RMDN2: variants seen among roughly 807,000 people sequenced by gnomAD.
The protein encoded by RMDN2 is regulator of microtubule dynamics 2.
RMDN2 carries 61 observed loss-of-function variants against 52.8 expected under a neutral mutation model. That is an observed-to-expected ratio of 1.16 (90% CI 0.94 to 1.43). The LOEUF is 1.43. Among genes scored for constraint, RMDN2 ranks in the 40% most tolerant of loss-of-function variants. The pLI is 0.00. For missense variants in RMDN2, 592 were observed against 475.3 expected (o/e 1.25, Z -2.28); for synonymous variants, 180 against 153.1 (o/e 1.18, Z -1.30).
At chr2:37,972,386 G>C (rs150037410) in intron 2 of RMDN2, among the ~76,000 whole-genome samples, 2 of 152,164 alleles carry the variant, frequency 1.3e-5, no homozygotes, top group South Asian at 2.1e-4. Flanking sequence ...AAATACAAAG[G>C]GTTTAAAGCA....
At chr2:37,941,350 C>T (rs1296513656) in intron 2 of RMDN2, among the ~76,000 whole-genome samples, 1 of 152,212 alleles carries the variant, frequency 6.6e-6, no homozygotes. Flanking sequence ...GGAGGTGTCT[C>T]CCTGTCAGGA....
chr2:37,993,804 C>T (rs1048097553), intron 7 of RMDN2, among the ~76,000 whole-genome samples: 1 of 152,026 alleles, frequency 6.6e-6, no homozygotes, highest in Non-Finnish European at 1.5e-5. Context: ...ATTTATTCAG[C>T]ACAAGCTTAC....
At chr2:37,999,506 TC>T (rs1676029098) in intron 8 of RMDN2, among the ~76,000 whole-genome samples, 1 of 152,154 alleles carries the variant, frequency 6.6e-6, no homozygotes, top group Admixed American at 6.5e-5. Flanking sequence ...CAAAATGCCT[TC>T]CATGTTGTTT....
intron 2 of RMDN2, among the ~76,000 whole-genome samples, chr2:37,962,088 C>T (rs980923275): frequency 2.0e-5 from 3 of 152,218 alleles, no homozygotes; most frequent in Non-Finnish European, 4.4e-5. Flanking sequence ...GGCCACCCAC[C>T]AGATGCTGAC....
chr2:37,943,306 A>T (rs140494328), intron 2 of RMDN2, among the ~76,000 whole-genome samples: 112 of 152,326 alleles, frequency 7.4e-4, no homozygotes, highest in African/African-American at 2.5e-3. Context: ...GGTCAAAGCA[A>T]TGAGCAGGGA....
intron 3 of RMDN2, among the ~76,000 whole-genome samples, chr2:37,974,505 A>G (rs1359211543): frequency 2.0e-5 from 3 of 151,162 alleles, no homozygotes. Flanking sequence ...TTACTAATTT[A>G]TATATTTAAC....
chr2:37,990,742 A>G (rs184852326), intron 6 of RMDN2, among the ~76,000 whole-genome samples: 269 of 152,180 alleles, frequency 1.8e-3, no homozygotes, highest in Non-Finnish European at 2.6e-3. Flanking sequence ...ATAACCCCTC[A>G]ACGTCAATAA....
chr2:37,976,584 C>A (rs941614606), intron 4 of RMDN2, among the ~76,000 whole-genome samples: 2 of 152,122 alleles, frequency 1.3e-5, no homozygotes, highest in Non-Finnish European at 1.5e-5. Flanking sequence ...TTCGTTTCCC[C>A]CAGTGGGAGG....
At chr2:37,931,203 G>A (rs1486407165) in intron 2 of RMDN2, among the ~76,000 whole-genome samples, 1 of 152,158 alleles carries the variant, frequency 6.6e-6, no homozygotes, top group Non-Finnish European at 1.5e-5. Flanking sequence ...ATTATTGAGA[G>A]TCATTGTTCT....
At chr2:38,053,637 G>A (rs1558591163) in intron 10 of RMDN2, among the ~76,000 whole-genome samples, 1 of 152,134 alleles carries the variant, frequency 6.6e-6, no homozygotes, top group Admixed American at 6.5e-5. Context: ...GTAATAAAAT[G>A]CATTTTAAAA....
At position 37,951,228 on chromosome 2, in the gene RMDN2, C is replaced by G; in HGVS notation, c.452+21499C>G. The G allele has an allele frequency of 1.9e-6, 3 of 1,568,340 alleles. No homozygotes were observed. The South Asian group carries it at 3.6e-5, about 19-fold the overall frequency. ...TTCCTCATTTGACCCTTTTCTCACT[C>G]TTAGCTGCTGCAAAGAGGACCAGAG... On this transcript the variant is annotated intron_variant, in intron 2 of 10. Transcript: ENST00000354545.
rs966907065 is a variant in RMDN2, at chr2:38,047,046, A to G, written c.1714-19936A>G. Among the ~76,000 whole-genome samples the G allele has an allele frequency of 9.2e-5, 14 of 152,178 alleles. 1 individual carries two copies. ...ATGGGAAGAAATACTCAATATTATG[A>G]AAGGAAACAACTGTCATTTGAGAAT... On this transcript the variant is annotated intron_variant, in intron 10 of 10. Transcript: ENST00000234195.
At chr2:37,990,435 C>T (rs938731480) in intron 6 of RMDN2, among the ~76,000 whole-genome samples, 1 of 134,266 alleles carries the variant, frequency 7.4e-6, no homozygotes, top group African/African-American at 2.8e-5. Flanking sequence ...AGGAGAATCG[C>T]TTGAACCAGG....
chr2:37,965,022 T>G (rs1670844418), intron 2 of RMDN2, among the ~76,000 whole-genome samples: 1 of 152,162 alleles, frequency 6.6e-6, no homozygotes, highest in African/African-American at 2.4e-5. Flanking sequence ...TTAAAGTCTA[T>G]TTTGTCTACT....
intron 10 of RMDN2, chr2:38,028,098 CA>C (rs1442894762): frequency 1.3e-5 from 2 of 152,200 alleles, no homozygotes; most frequent in Non-Finnish European, 2.9e-5. Flanking sequence ...TGTAATTAAT[CA>C]AACATTTATT....
chr2:37,944,947 C>A (rs1479740839), intron 2 of RMDN2, among the ~76,000 whole-genome samples: 3 of 152,090 alleles, frequency 2.0e-5, no homozygotes, highest in Non-Finnish European at 2.9e-5. Context: ...AAGAACAAAA[C>A]AAAGGAAATA....
At chr2:37,997,037 G>T (rs191640465) in intron 7 of RMDN2, among the ~76,000 whole-genome samples, 17 of 152,226 alleles carry the variant, frequency 1.1e-4, no homozygotes, top group Non-Finnish European at 1.8e-4. Context: ...GCTGTACGAA[G>T]AGATACACCG....
At chr2:38,042,926 C>T (rs1032365240) in intron 10 of RMDN2, among the ~76,000 whole-genome samples, 3 of 152,116 alleles carry the variant, frequency 2.0e-5, no homozygotes, top group African/African-American at 7.2e-5. Context: ...AGTGTGGTCT[C>T]TCTCAGTGAA....
intron 10 of RMDN2, among the ~76,000 whole-genome samples, chr2:38,059,947 GA>G (rs2125307176): frequency 6.6e-6 from 1 of 152,150 alleles, no homozygotes; most frequent in Admixed American, 6.5e-5. Flanking sequence ...ACCCAGGCTG[GA>G]GTGCAGTGAC....
Sources: allele counts gnomAD v4.1 joint callset (sites outside exome capture counted in the v4.1 genomes callset), GRCh38; gene constraint gnomAD v4.1.1; transcripts MANE v1.5; gene names NCBI Gene and HGNC (gene_info 2026-07-23, HGNC 2026-07-21).